The following THSD7B variants were observed in gnomAD, a reference collection of about 807,000 sequenced individuals.
THSD7B encodes the protein thrombospondin type-1 domain-containing protein 7B.
Under a neutral mutation model 213.6 loss-of-function variants are expected in THSD7B, and 138 were observed. The ratio of observed to expected loss-of-function variants is 0.65; its 90% CI spans 0.56 to 0.74. The LOEUF is 0.74. Ranked by LOEUF, THSD7B falls within the 30% of genes least tolerant of loss-of-function variation. The pLI is 0.00. For synonymous variants in THSD7B, 742 were observed against 687.0 expected (o/e 1.08, Z -1.25); for missense variants, 1,931 against 1,991.5 (o/e 0.97, Z 0.58).
rs369188950 is a variant in THSD7B, at chr2:137,391,215, A to T, written c.2501-14398A>T. Among the ~76,000 whole-genome samples the T allele has an allele frequency of 1.4e-4, 21 of 151,878 alleles. No individual in the cohort carries two copies. In the East Asian group the frequency reaches 1.9e-3, roughly 14 times the overall value. On this transcript the variant is annotated intron_variant, in intron 12 of 27. Coordinates refer to ENST00000409968, the MANE Select transcript of THSD7B (RefSeq NM_001316349.2). Reference sequence around the variant, plus strand: ...GGTTGTATGTTTCAGGAATTAATCCATTTTCTCTCAGTTTTCTCATTTGTG... The same window carrying T: ...GGTTGTATGTTTCAGGAATTAATCCTTTTTCTCTCAGTTTTCTCATTTGTG...
At chr2:137,280,856 G>C (rs1469211131) in intron 12 of THSD7B, among the ~76,000 whole-genome samples, 4 of 152,130 alleles carry the variant, frequency 2.6e-5, no homozygotes, top group Admixed American at 2.6e-4. Context: ...TGTCGTTTCT[G>C]TAAGTGGAGT....
chr2:137,338,637 C>T (rs1344513531), intron 12 of THSD7B, among the ~76,000 whole-genome samples: 1 of 151,756 alleles, frequency 6.6e-6, no homozygotes, highest in Admixed American at 6.6e-5. Context: ...TTTTTAAAAC[C>T]AATAAAATTC....
intron 1 of THSD7B, among the ~76,000 whole-genome samples, chr2:136,847,386 T>C (rs1683028839): frequency 6.6e-6 from 1 of 152,202 alleles, no homozygotes; most frequent in Non-Finnish European, 1.5e-5. Context: ...GAATCCTCTT[T>C]CTATTTGGAT....
chr2:137,403,888 CAT>C (rs1391015484), intron 12 of THSD7B, among the ~76,000 whole-genome samples: 2 of 152,166 alleles, frequency 1.3e-5, no homozygotes, highest in East Asian at 3.9e-4. Context: ...GATGCTGCTA[CAT>C]ATCTCACCAT....
chr2:137,607,417 T>C (rs1682203213), intron 17 of THSD7B, among the ~76,000 whole-genome samples: 1 of 152,208 alleles, frequency 6.6e-6, no homozygotes, highest in Non-Finnish European at 1.5e-5. Context: ...TTAATATTGA[T>C]AATTTAATAT....
chr2:137,162,854 G>C (rs575895439), intron 6 of THSD7B, among the ~76,000 whole-genome samples: 1 of 152,146 alleles, frequency 6.6e-6, no homozygotes, highest in Admixed American at 6.5e-5. Flanking sequence ...CTGCCTCCTG[G>C]GTTCAAGCAA....
At chr2:137,617,856 C>T (rs1259799029) in intron 18 of THSD7B, among the ~76,000 whole-genome samples, 1 of 152,114 alleles carries the variant, frequency 6.6e-6, no homozygotes, top group East Asian at 1.9e-4. Context: ...CAAACAAGCT[C>T]CCTTAGGCCT....
At chr2:136,846,043 G>C (rs1024154763) in intron 1 of THSD7B, among the ~76,000 whole-genome samples, 5 of 152,142 alleles carry the variant, frequency 3.3e-5, no homozygotes, top group African/African-American at 1.2e-4. Context: ...TTGGCTGAGG[G>C]ATGACTCCTT....
At chr2:137,029,079 T>TC (rs1039855942) in intron 2 of THSD7B, among the ~76,000 whole-genome samples, 1 of 5,998 alleles carries the variant, frequency 1.7e-4, no homozygotes, top group African/African-American at 2.9e-4. Context: ...CTTTGTAAGC[T>TC]TTTTTTTTTT....
chr2:137,059,999 G>C (rs1340382531), intron 3 of THSD7B, among the ~76,000 whole-genome samples: 2 of 152,126 alleles, frequency 1.3e-5, no homozygotes, highest in Non-Finnish European at 1.5e-5. Context: ...CCAGCAATTA[G>C]TGGAAGTTCT....
chr2:136,846,956 T>G (rs1683021384), intron 1 of THSD7B, among the ~76,000 whole-genome samples: 1 of 152,210 alleles, frequency 6.6e-6, no homozygotes, highest in African/African-American at 2.4e-5. Context: ...ATTTAGAGTT[T>G]ATGTAAAGCT....
intron 7 of THSD7B, among the ~76,000 whole-genome samples, chr2:137,183,372 T>C (rs1279081201): frequency 6.6e-6 from 1 of 152,130 alleles, no homozygotes; most frequent in African/African-American, 2.4e-5. Context: ...CATGAAGGCT[T>C]AATGGAAGAT....
chr2:137,285,839 C>T (rs953540553), intron 12 of THSD7B, among the ~76,000 whole-genome samples: 1 of 152,050 alleles, frequency 6.6e-6, no homozygotes, highest in Admixed American at 6.6e-5. Context: ...CGCAGTGGCT[C>T]ACACCTGTAA....
At position 137,649,875 on chromosome 2, in the gene THSD7B, C is replaced by A. The variant is rs543269491; in HGVS notation, c.3946-5626C>A. Among the ~76,000 whole-genome samples, 123 of 152,086 alleles carry A rather than the reference C, an allele frequency of 8.1e-4. 2 individuals are homozygous for A. The highest frequency in any genetic ancestry group is 2.8e-3 in the African/African-American group (118 of 41,482). ...CTTGGGGAGGCTGAGGTGGGAGAAT[C>A]CCTTGCCCTCAGGAGTTTGAGACCA... On this transcript the variant is annotated intron_variant, in intron 21 of 27. Transcript: ENST00000409968.
chr2:137,308,524 G>T (rs981154719), intron 12 of THSD7B, among the ~76,000 whole-genome samples: 2 of 151,876 alleles, frequency 1.3e-5, no homozygotes, highest in Admixed American at 1.3e-4. Context: ...TTCCTAAATT[G>T]TTCATTAGCA....
At chr2:137,395,998 C>T (rs1380039768) in intron 12 of THSD7B, among the ~76,000 whole-genome samples, 2 of 152,084 alleles carry the variant, frequency 1.3e-5, no homozygotes, top group African/African-American at 2.4e-5. Context: ...TTCTGTGGGA[C>T]CGGTGGTGAT....
At chr2:137,484,148 C>G (rs1688371787) in intron 15 of THSD7B, among the ~76,000 whole-genome samples, 1 of 150,112 alleles carries the variant, frequency 6.7e-6, no homozygotes, top group Admixed American at 6.7e-5. Context: ...TTAGGTATAT[C>G]TCCTAAAGCT....
chr2:137,633,235 T>C (rs1424159977), intron 20 of THSD7B, among the ~76,000 whole-genome samples: 2 of 152,196 alleles, frequency 1.3e-5, no homozygotes, highest in East Asian at 1.9e-4. Flanking sequence ...TTTTAGTAGA[T>C]GTCCAGCCTA....
At chr2:137,321,250 G>A (rs938832509) in intron 12 of THSD7B, among the ~76,000 whole-genome samples, 12 of 152,192 alleles carry the variant, frequency 7.9e-5, no homozygotes, top group Non-Finnish European at 1.6e-4. Flanking sequence ...GCTAAATTAT[G>A]TATGGTGTAG....
Sources: gnomAD v4.1 joint callset for allele counts (sites outside exome capture counted in the v4.1 genomes callset) on GRCh38, gnomAD v4.1.1 for gene constraint, MANE v1.5 for transcripts, NCBI Gene and HGNC (gene_info 2026-07-23, HGNC 2026-07-21) for gene names.